Variants in PTPRD observed in about 807,000 individuals in gnomAD.
The protein encoded by PTPRD is protein tyrosine phosphatase receptor type D.
PTPRD carries 34 observed loss-of-function variants against 214.5 expected under a neutral mutation model. The observed-to-expected ratio is 0.16, with a 90% CI of 0.12 to 0.21. The LOEUF (loss-of-function observed/expected upper bound fraction) is 0.21, where lower values mean the gene tolerates loss of function less well. Ranked by LOEUF, PTPRD falls within the 10% of genes least tolerant of loss-of-function variation. The pLI, the probability that PTPRD is intolerant of heterozygous loss-of-function variation, is 1.00. For missense variants in PTPRD, 2,545 were observed against 2,398.7 expected (o/e 1.06, Z -1.27); for synonymous variants, 1,128 against 845.7 (o/e 1.33, Z -5.79).
At chr9:10,375,350 A>G (rs2154479915) in intron 2 of PTPRD, among the ~76,000 whole-genome samples, 1 of 152,044 alleles carries the variant, frequency 6.6e-6, no homozygotes, top group Middle Eastern at 3.4e-3. Flanking sequence ...ATTTCTTTTT[A>G]CTGTCTACGT....
chr9:10,232,070 T>C (rs1249373933), intron 3 of PTPRD, among the ~76,000 whole-genome samples: 2 of 150,590 alleles, frequency 1.3e-5, no homozygotes, highest in African/African-American at 2.4e-5. Flanking sequence ...CCTCCTCCTG[T>C]CTGGTCCCTC....
chr9:10,437,096 C>G (rs1386258925), intron 2 of PTPRD, among the ~76,000 whole-genome samples: 1 of 151,678 alleles, frequency 6.6e-6, no homozygotes, highest in African/African-American at 2.4e-5. Context: ...CCCCGTGTTT[C>G]CCTGAAGAAT....
At chr9:8,644,514 C>T (rs923021546) in intron 12 of PTPRD, among the ~76,000 whole-genome samples, 3 of 152,162 alleles carry the variant, frequency 2.0e-5, no homozygotes, top group Admixed American at 6.5e-5. Context: ...CACCACGTTG[C>T]AGATGAAGAG....
chr9:9,642,157 T>C (rs1465036360), intron 7 of PTPRD, among the ~76,000 whole-genome samples: 1 of 145,280 alleles, frequency 6.9e-6, no homozygotes, highest in African/African-American at 2.6e-5. Flanking sequence ...CAGTAAACTA[T>C]CGCAAGAACA....
At chr9:10,207,363 G>C (rs1036370893) in intron 3 of PTPRD, among the ~76,000 whole-genome samples, 1 of 152,008 alleles carries the variant, frequency 6.6e-6, no homozygotes, top group Non-Finnish European at 1.5e-5. Context: ...GTTCATGAGA[G>C]ACATTGGTCT....
intron 3 of PTPRD, among the ~76,000 whole-genome samples, chr9:10,242,577 T>C (rs982496238): frequency 6.6e-6 from 1 of 151,006 alleles, no homozygotes; most frequent in Non-Finnish European, 1.5e-5. Flanking sequence ...ATATGTTGCT[T>C]TACTTGAGTG....
At chr9:9,845,477 T>C (rs112476418) in intron 5 of PTPRD, among the ~76,000 whole-genome samples, 2 of 151,722 alleles carry the variant, frequency 1.3e-5, no homozygotes, top group African/African-American at 4.8e-5. Flanking sequence ...CATGAGCATA[T>C]ACGTGTGTGT....
At chr9:8,581,342 C>T (rs975097708) in intron 14 of PTPRD, among the ~76,000 whole-genome samples, 1 of 152,114 alleles carries the variant, frequency 6.6e-6, no homozygotes, top group Non-Finnish European at 1.5e-5. Context: ...AAAGGGAGGA[C>T]TGACAGAACT....
intron 3 of PTPRD, among the ~76,000 whole-genome samples, chr9:10,186,397 T>C (rs2099330375): frequency 1.3e-5 from 2 of 152,134 alleles, no homozygotes; most frequent in African/African-American, 4.8e-5. Context: ...TTTCAGTTCT[T>C]AAATGACTAA....
chr9:8,792,352 A>C (rs1046480207), intron 11 of PTPRD, among the ~76,000 whole-genome samples: 9 of 152,334 alleles, frequency 5.9e-5, no homozygotes, highest in African/African-American at 2.2e-4. Flanking sequence ...ACGCATTAAA[A>C]ATGATAATAA....
At chr9:8,659,581 T>C (rs779694920) in intron 12 of PTPRD, among the ~76,000 whole-genome samples, 1 of 152,226 alleles carries the variant, frequency 6.6e-6, no homozygotes, top group Non-Finnish European at 1.5e-5. Flanking sequence ...AGTAACAAGC[T>C]ATCTAAAGTT....
At chr9:8,647,755 T>C (rs999228950) in intron 12 of PTPRD, among the ~76,000 whole-genome samples, 7 of 152,244 alleles carry the variant, frequency 4.6e-5, no homozygotes, top group South Asian at 4.1e-4. Flanking sequence ...TGTCAGAATG[T>C]CCAATTACCT....
intron 2 of PTPRD, among the ~76,000 whole-genome samples, chr9:10,589,399 C>G (rs1482412991): frequency 6.6e-6 from 1 of 151,252 alleles, no homozygotes; most frequent in Non-Finnish European, 1.5e-5. Context: ...TCAGATTAAT[C>G]TGGGTTAAGT....
chr9:10,260,689 C>T (rs1369757160), intron 3 of PTPRD, among the ~76,000 whole-genome samples: 1 of 152,050 alleles, frequency 6.6e-6, no homozygotes, highest in Non-Finnish European at 1.5e-5. Flanking sequence ...TGAGAATATT[C>T]TACATTCCTC....
chr9:9,759,390 G>A (rs2761715), intron 6 of PTPRD, among the ~76,000 whole-genome samples: 18,431 of 152,076 alleles, frequency 0.12, 1,853 homozygotes, highest in African/African-American at 0.28. Context: ...TAATTAAAGT[G>A]TTAATGCTAG....
rs140155100 is a variant in PTPRD at position 9,279,162 on chromosome 9, G to C, written c.-202-95799C>G. On this transcript the variant is annotated intron_variant, in intron 9 of 45. Transcript: ENST00000381196. Reference sequence around the variant, plus strand: ...TGTTTCATTTTCAAATAATAGGCAGGTGTTAAGATAATTTTGTATGTATAT... The same window carrying C: ...TGTTTCATTTTCAAATAATAGGCAGCTGTTAAGATAATTTTGTATGTATAT... 5.1e-3 allele frequency among the ~76,000 whole-genome samples: 761 copies of C among 150,634 alleles called. 7 individuals are homozygous for C. The highest frequency in any genetic ancestry group is 0.018 in the African/African-American group (726 of 41,240).
chr9:9,446,831 AAC>A (rs769019656), intron 8 of PTPRD, among the ~76,000 whole-genome samples: 6 of 152,334 alleles, frequency 3.9e-5, no homozygotes, highest in Admixed American at 1.3e-4. Flanking sequence ...AAAGGAAAAG[AAC>A]CACATTAAAA....
At chr9:9,763,725 T>C (rs1265538533) in intron 6 of PTPRD, among the ~76,000 whole-genome samples, 1 of 152,038 alleles carries the variant, frequency 6.6e-6, no homozygotes, top group East Asian at 1.9e-4. Context: ...TTGTTTGACT[T>C]CAGACAACAC....
rs139304845 is a variant in PTPRD at position 8,594,432 on chromosome 9, A to G, written c.352+38885T>C. Among the ~76,000 whole-genome samples, 450 of 152,344 alleles carry G rather than the reference A, an allele frequency of 3.0e-3. 4 individuals carry two copies. Among genetic ancestry groups the G allele is most frequent in the African/African-American group, 0.01 (434 of 41,588 alleles). On this transcript the variant is annotated intron_variant, in intron 14 of 45. Transcript: ENST00000381196. ...GGCACAAACATCAGAACTCAAATATATAATATAAATCCTGGCAAACAACTC... is the reference window on the plus strand; with the variant it reads ...GGCACAAACATCAGAACTCAAATATGTAATATAAATCCTGGCAAACAACTC...
Sources: allele counts gnomAD v4.1 joint callset (sites outside exome capture counted in the v4.1 genomes callset), GRCh38; gene constraint gnomAD v4.1.1; transcripts MANE v1.5; gene names NCBI Gene and HGNC (gene_info 2026-07-23, HGNC 2026-07-21).